ZBTB20: variants seen among roughly 807,000 people sequenced by gnomAD.
ZBTB20 encodes the protein zinc finger and BTB domain containing 20.
In ZBTB20, 9 loss-of-function variants were observed where a neutral mutation model predicts 56.9. The ratio of observed to expected loss-of-function variants is 0.16; its 90% CI spans 0.10 to 0.28. The LOEUF (loss-of-function observed/expected upper bound fraction) is 0.28, where lower values mean the gene tolerates loss of function less well. ZBTB20 is among the 10% of genes least tolerant of loss of function. The pLI is 1.00. For synonymous variants in ZBTB20, 417 were observed against 420.7 expected (o/e 0.99, Z 0.11); for missense variants, 655 against 1,003.0 (o/e 0.65, Z 4.69).
chr3:114,330,322 T>C lies in ZBTB20; in HGVS notation c.*8683A>G, dbSNP rs1318242042. The C allele has an allele frequency of 6.6e-6, 1 of 152,206 alleles. No individual in the cohort carries two copies. Among genetic ancestry groups the C allele is most frequent in the Non-Finnish European group, 1.5e-5 (1 of 68,038 alleles). The allele number at this position is 152,206 out of a possible 1,614,324, so 9.4% of individuals were successfully genotyped here. On this transcript the variant is annotated 3_prime_UTR_variant, in exon 12 of 12. Transcript: ENST00000675478. ...GTGATGGGTGATATAAGCAAAGACATAATATTTCAATCAACTCATGATCAT... is the reference window on the plus strand; with the variant it reads ...GTGATGGGTGATATAAGCAAAGACACAATATTTCAATCAACTCATGATCAT...
At chr3:114,788,858 C>T (rs1048691340) in intron 5 of ZBTB20, among the ~76,000 whole-genome samples, 5 of 152,144 alleles carry the variant, frequency 3.3e-5, no homozygotes, top group African/African-American at 9.7e-5. Flanking sequence ...GAAGGAGGAG[C>T]AAAGACATGT....
At chr3:114,510,893 T>A (rs1559890184) in intron 6 of ZBTB20, among the ~76,000 whole-genome samples, 1 of 152,074 alleles carries the variant, frequency 6.6e-6, no homozygotes, top group African/African-American at 2.4e-5. Flanking sequence ...GAGAAGGGCC[T>A]TTTTTCCATT....
chr3:114,349,530 C>T (rs1484893928), intron 11 of ZBTB20, among the ~76,000 whole-genome samples: 1 of 152,190 alleles, frequency 6.6e-6, no homozygotes, highest in Non-Finnish European at 1.5e-5. Flanking sequence ...CGTCTAATTA[C>T]AGAAACTCAC....
chr3:115,045,036 A>G (rs998608988), intron 2 of ZBTB20, among the ~76,000 whole-genome samples: 2 of 152,220 alleles, frequency 1.3e-5, no homozygotes, highest in Non-Finnish European at 2.9e-5. Context: ...GCAATGTGCT[A>G]TACCCATGAG....
At chr3:114,996,550 T>C (rs2079035149) in intron 2 of ZBTB20, among the ~76,000 whole-genome samples, 1 of 152,050 alleles carries the variant, frequency 6.6e-6, no homozygotes, top group Admixed American at 6.6e-5. Flanking sequence ...TCCATTTTTA[T>C]GGCTGCATAG....
rs1576209082 is a variant in ZBTB20, at chr3:114,335,602, G to A, written c.*3403C>T. On this transcript the variant is annotated 3_prime_UTR_variant, in exon 12 of 12. Transcript: ENST00000675478. ...AAACAACTACCTCTTTGCTCCTCCA[G>A]ATTAGATCTCCCACTCCAATCCAGC... 1 of 152,164 alleles carries A rather than the reference G, an allele frequency of 6.6e-6. No individual in the cohort carries two copies. The highest frequency in any genetic ancestry group is 1.9e-4 in the East Asian group (1 of 5,196). The allele number at this position is 152,164 out of a possible 1,614,324, so 9.4% of individuals were successfully genotyped here. A position where few individuals can be genotyped will look rare whatever the true frequency, so the allele number is the denominator to read the frequency against.
At chr3:114,761,718 C>A (rs1369449833) in intron 5 of ZBTB20, among the ~76,000 whole-genome samples, 1 of 151,518 alleles carries the variant, frequency 6.6e-6, no homozygotes, top group African/African-American at 2.4e-5. Context: ...GCTGTAATCC[C>A]ATCTACTTGG....
intron 1 of ZBTB20, among the ~76,000 whole-genome samples, chr3:115,094,454 A>G (rs1053342545): frequency 6.6e-6 from 1 of 152,042 alleles, no homozygotes; most frequent in African/African-American, 2.4e-5. Context: ...TTTATTTAAA[A>G]TGAAGCCACA....
intron 11 of ZBTB20, among the ~76,000 whole-genome samples, chr3:114,344,979 TAAA>T (rs34000289): frequency 6.7e-6 from 1 of 150,032 alleles, no homozygotes; most frequent in East Asian, 1.9e-4. Flanking sequence ...CTCTTGTGGG[TAAA>T]AAAAAAACAC....
chr3:115,026,986 A>G (rs1157222541), intron 2 of ZBTB20, among the ~76,000 whole-genome samples: 2 of 150,948 alleles, frequency 1.3e-5, no homozygotes, highest in African/African-American at 4.8e-5. Flanking sequence ...TAAATTTTAT[A>G]TAGCATTACC....
intron 1 of ZBTB20, among the ~76,000 whole-genome samples, chr3:115,072,613 GC>G (rs1221585546): frequency 1.3e-5 from 2 of 152,166 alleles, no homozygotes; most frequent in Non-Finnish European, 2.9e-5. Context: ...AGGGTCAAAA[GC>G]AGCACCTAAA....
At chr3:114,383,225 A>T (rs1452567908) in intron 8 of ZBTB20, among the ~76,000 whole-genome samples, 1 of 152,188 alleles carries the variant, frequency 6.6e-6, no homozygotes, top group East Asian at 1.9e-4. Flanking sequence ...TAGGGTCAAA[A>T]CAGTAATGAC....
chr3:115,076,745 A>G (rs1576720694), intron 1 of ZBTB20, among the ~76,000 whole-genome samples: 1 of 152,346 alleles, frequency 6.6e-6, no homozygotes, highest in African/African-American at 2.4e-5. Flanking sequence ...AAGGCAACCT[A>G]TGGAATAGAA....
chr3:114,757,019 T>C (rs1053472436), intron 5 of ZBTB20, among the ~76,000 whole-genome samples: 1 of 152,178 alleles, frequency 6.6e-6, no homozygotes, highest in African/African-American at 2.4e-5. Context: ...AACCAATAGC[T>C]GATTCATACT....
intron 7 of ZBTB20, among the ~76,000 whole-genome samples, chr3:114,470,713 C>G (rs2040027560): frequency 6.6e-6 from 1 of 152,092 alleles, no homozygotes; most frequent in South Asian, 2.1e-4. Context: ...TGCATGCAAA[C>G]CCAGATATGA....
At chr3:114,850,767 T>C (rs1347252817) in intron 4 of ZBTB20, among the ~76,000 whole-genome samples, 4 of 152,160 alleles carry the variant, frequency 2.6e-5, no homozygotes, top group Admixed American at 6.5e-5. Context: ...CTGTAGAATG[T>C]TAGAGCTGAA....
intron 6 of ZBTB20, among the ~76,000 whole-genome samples, chr3:114,679,488 C>T (rs1025506644): frequency 3.3e-5 from 5 of 152,190 alleles, no homozygotes; most frequent in African/African-American, 7.2e-5. Context: ...TGAACAGACA[C>T]GTCTCAAAAG....
intron 4 of ZBTB20, among the ~76,000 whole-genome samples, chr3:114,834,346 A>G (rs1039895104): frequency 6.6e-6 from 1 of 152,150 alleles, no homozygotes; most frequent in Non-Finnish European, 1.5e-5. Context: ...AACAGTGCCT[A>G]TGACATCACA....
chr3:114,637,660 C>T (rs1192399931), intron 6 of ZBTB20, among the ~76,000 whole-genome samples: 6 of 152,012 alleles, frequency 3.9e-5, no homozygotes, highest in Admixed American at 6.6e-5. Context: ...CATGTACTTA[C>T]TATGATTCAA....
Sources: gnomAD v4.1 joint callset for allele counts (sites outside exome capture counted in the v4.1 genomes callset) on GRCh38, gnomAD v4.1.1 for gene constraint, MANE v1.5 for transcripts, NCBI Gene and HGNC (gene_info 2026-07-23, HGNC 2026-07-21) for gene names.